Variants in TMEM132D observed in about 807,000 individuals in gnomAD.
TMEM132D encodes mature OL transmembrane protein.
In TMEM132D, 21 loss-of-function variants were observed where a neutral mutation model predicts 62.3. The ratio of observed to expected loss-of-function variants is 0.34; its 90% CI spans 0.24 to 0.49. The LOEUF (loss-of-function observed/expected upper bound fraction) is 0.49. Among genes scored for constraint, TMEM132D ranks in the 20% least tolerant of loss-of-function variants. TMEM132D has a pLI of 0.99. For missense variants in TMEM132D, 1,346 were observed against 1,402.8 expected (o/e 0.96, Z 0.65); for synonymous variants, 621 against 575.6 (o/e 1.08, Z -1.13).
intron 4 of TMEM132D, among the ~76,000 whole-genome samples, chr12:129,301,015 T>C (rs1174672995): frequency 6.6e-6 from 1 of 152,074 alleles, no homozygotes; most frequent in Non-Finnish European, 1.5e-5. Flanking sequence ...TCGAGAATCA[T>C]CTCCTCACCT....
intron 4 of TMEM132D, among the ~76,000 whole-genome samples, chr12:129,246,506 AACACTTTGGGAGG>A (rs1880117922): frequency 6.6e-6 from 1 of 152,208 alleles, no homozygotes; most frequent in African/African-American, 2.4e-5. Context: ...CTGTAATCCC[AACACTTTGGGAGG>A]CCGAGGCAGG....
chr12:129,675,290 A>G (rs550418380), intron 2 of TMEM132D, among the ~76,000 whole-genome samples: 238 of 151,686 alleles, frequency 1.6e-3, no homozygotes, highest in African/African-American at 5.4e-3. Flanking sequence ...ACCATACACC[A>G]CATGTTCTCA....
chr12:129,074,074 G>T lies in TMEM132D; in HGVS notation c.3101C>A (p.Pro1034His), dbSNP rs1040629129. 6.2e-7 allele frequency: 1 copy of T among 1,613,832 alleles called. No homozygotes were observed. Among genetic ancestry groups the T allele is most frequent in the African/African-American group, 1.3e-5 (1 of 74,854 alleles). The change falls in exon 9 of 9, where the codon CCC becomes CAC. Residue 1034 changes from proline to histidine, a missense_variant. Pro to His is a moderately conservative substitution (Grantham distance 77). Coordinates refer to ENST00000422113, the MANE Select transcript of TMEM132D (RefSeq NM_133448.3). Reference protein sequence around the residue: ...IIDGKDQKSEPPTSPTSKRKR... With the variant: ...IIDGKDQKSEHPTSPTSKRKR... ...CCTTTTTGAGGTAGGGGATGTTGGG[G>T]GCTCACTTTTCTGATCTTTCCCATC...
At chr12:129,506,288 G>T (rs1875328490) in intron 3 of TMEM132D, among the ~76,000 whole-genome samples, 1 of 152,072 alleles carries the variant, frequency 6.6e-6, no homozygotes, top group African/African-American at 2.4e-5. Flanking sequence ...ATTGCCAAAA[G>T]CAATTTACAA....
chr12:129,075,286 G>T (rs1874214789), intron 8 of TMEM132D, among the ~76,000 whole-genome samples: 1 of 150,294 alleles, frequency 6.7e-6, no homozygotes, highest in East Asian at 1.9e-4. Context: ...GACAAAACAG[G>T]GCCAGTATTA....
chr12:129,614,603 A>G (rs1417694190), intron 2 of TMEM132D, among the ~76,000 whole-genome samples: 1 of 152,240 alleles, frequency 6.6e-6, no homozygotes, highest in East Asian at 1.9e-4. Flanking sequence ...AAATTCTTCA[A>G]GGAAGAAGCA....
intron 3 of TMEM132D, among the ~76,000 whole-genome samples, chr12:129,464,947 C>T (rs1027565477): frequency 1.9e-4 from 28 of 149,638 alleles, no homozygotes; most frequent in Middle Eastern, 3.5e-3. Context: ...ATTGACTTGG[C>T]AATGCGGGCT....
intron 3 of TMEM132D, among the ~76,000 whole-genome samples, chr12:129,467,356 G>A (rs1403153870): frequency 6.6e-6 from 1 of 152,146 alleles, no homozygotes; most frequent in African/African-American, 2.4e-5. Flanking sequence ...AAAGGAAGCT[G>A]GGGGCTTAAG....
chr12:129,343,432 G>T (rs184908935), intron 3 of TMEM132D, among the ~76,000 whole-genome samples: 1 of 151,780 alleles, frequency 6.6e-6, no homozygotes, highest in Admixed American at 6.6e-5. Context: ...GTTGTGGGGT[G>T]GGGGGATGGG....
chr12:129,100,327 C>T (rs1019635032), intron 5 of TMEM132D, among the ~76,000 whole-genome samples: 1 of 152,200 alleles, frequency 6.6e-6, no homozygotes, highest in Non-Finnish European at 1.5e-5. Flanking sequence ...TGTGAGCCAC[C>T]GTGCATGGCC....
In TMEM132D at chr12:129,220,034, C is replaced by T. The variant is rs542177256; in HGVS notation, c.1300-10371G>A. ...CATTTCTCATCATATTTACCCATTC[C>T]TCAAAACATCTTGCAAATAATATTC... On this transcript the variant is annotated intron_variant, in intron 4 of 8. Coordinates refer to ENST00000422113, the MANE Select transcript of TMEM132D (RefSeq NM_133448.3). 3.2e-4 allele frequency among the ~76,000 whole-genome samples: 48 copies of T among 152,296 alleles called. 1 individual carries two copies. The South Asian group carries it at 9.5e-3, about 30-fold the overall frequency.
intron 1 of TMEM132D, among the ~76,000 whole-genome samples, chr12:129,835,704 C>T (rs7957137): frequency 0.42 from 63,744 of 152,110 alleles, 13,503 homozygotes; most frequent in Non-Finnish European, 0.47. Context: ...TGTGATTAAA[C>T]GGGGCAGGGA....
At chr12:129,475,174 C>G (rs1566081850) in intron 3 of TMEM132D, among the ~76,000 whole-genome samples, 1 of 152,112 alleles carries the variant, frequency 6.6e-6, no homozygotes, top group Non-Finnish European at 1.5e-5. Flanking sequence ...CTAGGATGAT[C>G]AGGAAAGTGA....
chr12:129,497,089 C>G (rs1291678250), intron 3 of TMEM132D, among the ~76,000 whole-genome samples: 1 of 152,148 alleles, frequency 6.6e-6, no homozygotes, highest in Non-Finnish European at 1.5e-5. Flanking sequence ...GGGTGGATCA[C>G]CTGAGGTCAG....
rs2135616715 is a variant in TMEM132D at position 129,081,989 on chromosome 12, C to G, written c.1693G>C (p.Gly565Arg). The change falls in exon 7 of 9, where the codon GGC becomes CGC. Residue 565 changes from glycine (G) to arginine (R), a missense_variant. Transcript: ENST00000422113. ...TGGTACTGCAGGGTGCAGCCGCGGCCCCTCCGCTCATCATCCTCCTCCTCT... is the reference window on the plus strand; with the variant it reads ...TGGTACTGCAGGGTGCAGCCGCGGCGCCTCCGCTCATCATCCTCCTCCTCT... ...SEEEEDDERR[G>R]RGCTLQYQHA... 1 of 1,612,354 alleles carries G rather than the reference C, an allele frequency of 6.2e-7. No individual in the cohort carries two copies. Among genetic ancestry groups the G allele is most frequent in the Non-Finnish European group, 8.5e-7 (1 of 1,178,974 alleles).
chr12:129,268,482 G>T (rs1395035410), intron 4 of TMEM132D, among the ~76,000 whole-genome samples: 2 of 152,186 alleles, frequency 1.3e-5, no homozygotes, highest in Non-Finnish European at 2.9e-5. Context: ...AAATCACAAT[G>T]AGATACCATC....
At chr12:129,411,741 C>T (rs1484504918) in intron 3 of TMEM132D, among the ~76,000 whole-genome samples, 2 of 152,170 alleles carry the variant, frequency 1.3e-5, no homozygotes, top group Admixed American at 6.5e-5. Context: ...GGGGACAAAA[C>T]ATCTCTCAGC....
At chr12:129,185,822 CTGTT>C (rs1191429485) in intron 5 of TMEM132D, among the ~76,000 whole-genome samples, 2 of 151,046 alleles carry the variant, frequency 1.3e-5, no homozygotes, top group Non-Finnish European at 2.9e-5. Context: ...ATCTATCTAT[CTGTT>C]TTTCTCCTTA....
At chr12:129,137,827 T>A (rs1463640386) in intron 5 of TMEM132D, among the ~76,000 whole-genome samples, 1 of 151,942 alleles carries the variant, frequency 6.6e-6, no homozygotes, top group Non-Finnish European at 1.5e-5. Flanking sequence ...ATGGCCTGGC[T>A]CCCTACAAAC....
Sources: allele counts gnomAD v4.1 joint callset (sites outside exome capture counted in the v4.1 genomes callset), GRCh38; gene constraint gnomAD v4.1.1; transcripts MANE v1.5; gene names NCBI Gene and HGNC (gene_info 2026-07-23, HGNC 2026-07-21).